RAD18: variants seen among roughly 807,000 people sequenced by gnomAD.
RAD18 encodes the protein RAD18 E3 ubiquitin protein ligase.
RAD18 carries 47 observed loss-of-function variants against 60.4 expected under a neutral mutation model. The ratio of observed to expected loss-of-function variants is 0.78; its 90% CI spans 0.62 to 0.99. The LOEUF is 0.99. Ranked by LOEUF, RAD18 falls within the 50% of genes least tolerant of loss-of-function variation. The probability of loss-of-function intolerance (pLI) is 0.00; values close to 1 mark genes in which losing one functional copy is unlikely to be tolerated. For missense variants in RAD18, 640 were observed against 593.3 expected (o/e 1.08, Z -0.82); for synonymous variants, 225 against 195.5 (o/e 1.15, Z -1.26).
intron 9 of RAD18, among the ~76,000 whole-genome samples, chr3:8,903,997 T>C (rs985398182): frequency 1.3e-5 from 2 of 152,218 alleles, no homozygotes; most frequent in Admixed American, 6.5e-5. Flanking sequence ...CTTTGAGCTA[T>C]GGTATAACTC....
intron 2 of RAD18, among the ~76,000 whole-genome samples, chr3:8,950,530 C>T (rs1015323218): frequency 6.6e-5 from 10 of 152,158 alleles, no homozygotes; most frequent in African/African-American, 1.2e-4. Context: ...GGGCAAAGTT[C>T]GCTAAAAGAC....
chr3:8,952,697 TTTACATGTA>T (rs1940945906), intron 2 of RAD18, among the ~76,000 whole-genome samples: 1 of 152,212 alleles, frequency 6.6e-6, no homozygotes, highest in South Asian at 2.1e-4. Context: ...TTCTAAGCAC[TTTACATGTA>T]TTAACTCTTT....
chr3:8,936,201 T>C, intron 6 of RAD18, 146 bp from the exon 7 acceptor site: 1 of 833,290 alleles, frequency 1.2e-6, no homozygotes. Flanking sequence ...AAAATCAAGT[T>C]TGTGGATAAA....
chr3:8,883,498 T>G (rs748615832), intron 12 of RAD18, among the ~76,000 whole-genome samples: 13 of 152,224 alleles, frequency 8.5e-5, no homozygotes, highest in Non-Finnish European at 1.6e-4. Context: ...CTTAGACATC[T>G]GGAACCAATA....
In RAD18 at chr3:8,955,772, G is replaced by C. The variant is rs181629889; in HGVS notation, c.133+3148C>G. Among the ~76,000 whole-genome samples the C allele has an allele frequency of 3.6e-3, 546 of 152,262 alleles. 8 individuals are homozygous for C. Among genetic ancestry groups the C allele is most frequent in the Non-Finnish European group, 6.5e-4 (44 of 68,002 alleles). ...TTGGAAATTTATAATCACAAGTCCA[G>C]GGAAGACACATCCACAGAAAAGGCT... On this transcript the variant is annotated intron_variant, in intron 2 of 12. Coordinates refer to ENST00000264926, the MANE Select transcript of RAD18 (RefSeq NM_020165.4).
rs1312340996 is a variant in RAD18 at position 8,958,905 on chromosome 3, AC to A, written c.133+14del. ...AATCGCAATTTACTAACTCACAGGA[AC>A]AAAACATACTTACAGTTATGTGAAC... On this transcript the variant is annotated intron_variant, in intron 2 of 12. Coordinates refer to ENST00000264926, the MANE Select transcript of RAD18 (RefSeq NM_020165.4). 1.9e-6 allele frequency: 3 copies of A among 1,603,518 alleles called. No individual in the cohort carries two copies. The highest frequency in any genetic ancestry group is 2.6e-6 in the Non-Finnish European group (3 of 1,170,874).
intron 7 of RAD18, among the ~76,000 whole-genome samples, chr3:8,925,953 T>G (rs1466281994): frequency 6.6e-6 from 1 of 152,074 alleles, no homozygotes; most frequent in East Asian, 1.9e-4. Flanking sequence ...ACAGCCAATA[T>G]CATACTGAAT....
chr3:8,941,851 C>T (rs1263652738), intron 4 of RAD18, 47 bp from the exon 5 acceptor site: 5 of 1,473,782 alleles, frequency 3.4e-6, no homozygotes, highest in East Asian at 2.3e-5. Flanking sequence ...TCCAATTTTA[C>T]ATCATAAATT....
At chr3:8,939,798 C>A (rs564755653) in intron 5 of RAD18, 145 bp from the exon 6 acceptor site, 1 of 649,280 alleles carries the variant, frequency 1.5e-6, no homozygotes, top group East Asian at 2.9e-5. Flanking sequence ...AAAGAATGGC[C>A]CATCGGGACA....
chr3:8,937,369 G>A (rs1275067272), intron 6 of RAD18, among the ~76,000 whole-genome samples: 1 of 152,094 alleles, frequency 6.6e-6, no homozygotes, highest in African/African-American at 2.4e-5. Flanking sequence ...TTTCTATCAG[G>A]AATTTTAAAA....
chr3:8,921,048 A>T (rs2125058706), intron 7 of RAD18, among the ~76,000 whole-genome samples: 1 of 152,348 alleles, frequency 6.6e-6, no homozygotes, highest in East Asian at 1.9e-4. Flanking sequence ...TTAGGGGTAA[A>T]GGGTAAACAC....
chr3:8,902,777 A>T (rs1417390279), intron 9 of RAD18, among the ~76,000 whole-genome samples: 1 of 152,192 alleles, frequency 6.6e-6, no homozygotes, highest in Non-Finnish European at 1.5e-5. Context: ...CTGTAATCCC[A>T]GCACTTTGGG....
intron 7 of RAD18, among the ~76,000 whole-genome samples, chr3:8,916,824 T>C (rs188683012): frequency 2.6e-4 from 39 of 151,082 alleles, no homozygotes; most frequent in South Asian, 1.5e-3. Context: ...AGAAAAAAAA[T>C]TGTAACAGAA....
At position 8,877,356 on chromosome 3, in the gene RAD18, G is replaced by A. The variant is rs1423167233; in HGVS notation, c.*4001C>T. 6.6e-6 allele frequency: 1 copy of A among 152,302 alleles called. No homozygotes were observed. The highest frequency in any genetic ancestry group is 1.5e-5 in the Non-Finnish European group (1 of 68,118). 9.4% of individuals were successfully genotyped at this position (152,302 alleles called of 1,614,324 possible). A position where few individuals can be genotyped will look rare whatever the true frequency, so the allele number is the denominator to read the frequency against. ...GGAACGAAGACTGTGTCCTCATGTG[G>A]CGGAAGGGATGGAAGGAAACAAAAC... is the stretch of plus-strand genomic sequence containing the variant. On this transcript the variant is annotated 3_prime_UTR_variant, in exon 13 of 13. Transcript: ENST00000264926.
At chr3:8,888,674 T>A (rs1939626034) in intron 12 of RAD18, among the ~76,000 whole-genome samples, 1 of 152,246 alleles carries the variant, frequency 6.6e-6, no homozygotes, top group South Asian at 2.1e-4. Flanking sequence ...TCAGGAGGCC[T>A]GGATTCTGAT....
At chr3:8,952,826 T>C (rs977099772) in intron 2 of RAD18, among the ~76,000 whole-genome samples, 3 of 152,316 alleles carry the variant, frequency 2.0e-5, no homozygotes, top group Non-Finnish European at 2.9e-5. Context: ...AACTAATATG[T>C]GGCAAAGGAA....
At chr3:8,890,507 T>C in intron 11 of RAD18, 56 bp from the exon 12 acceptor site, 1 of 1,284,926 alleles carries the variant, frequency 7.8e-7, no homozygotes, top group East Asian at 2.3e-5. Flanking sequence ...TATCGTCCCA[T>C]TTATATAAAA....
At chr3:8,883,738 A>T (rs1000079227) in intron 12 of RAD18, among the ~76,000 whole-genome samples, 24 of 152,286 alleles carry the variant, frequency 1.6e-4, no homozygotes, top group African/African-American at 5.5e-4. Flanking sequence ...GATTCCCAGG[A>T]ATATTTTATA....
chr3:8,933,677 T>A (rs1038853657), intron 7 of RAD18, among the ~76,000 whole-genome samples: 1 of 152,120 alleles, frequency 6.6e-6, no homozygotes, highest in African/African-American at 2.4e-5. Context: ...TTGCAAAACA[T>A]TACTGACAAA....
Sources: allele counts gnomAD v4.1 joint callset (sites outside exome capture counted in the v4.1 genomes callset), GRCh38; gene constraint gnomAD v4.1.1; transcripts MANE v1.5; gene names NCBI Gene and HGNC (gene_info 2026-07-23, HGNC 2026-07-21).